Variants in TAFA1 observed in about 807,000 individuals in gnomAD.
TAFA1 encodes the protein chemokine-like protein TAFA-1.
In TAFA1, 4 loss-of-function variants were observed where a neutral mutation model predicts 18.5. That is an observed-to-expected ratio of 0.22 (90% CI 0.11 to 0.49). The LOEUF (loss-of-function observed/expected upper bound fraction) is 0.49, where lower values mean the gene tolerates loss of function less well. TAFA1 is among the 20% of genes least tolerant of loss of function. The pLI is 0.98. For synonymous variants in TAFA1, 56 were observed against 55.2 expected (o/e 1.01, Z -0.06); for missense variants, 147 against 169.0 (o/e 0.87, Z 0.72).
At chr3:68,447,366 A>G (rs1304111082) in intron 3 of TAFA1, among the ~76,000 whole-genome samples, 2 of 152,152 alleles carry the variant, frequency 1.3e-5, no homozygotes, top group African/African-American at 4.8e-5. Context: ...CTAAAAACCA[A>G]ACTGTTGGCT....
intron 3 of TAFA1, among the ~76,000 whole-genome samples, chr3:68,470,105 G>A (rs1042414260): frequency 2.0e-5 from 3 of 152,130 alleles, no homozygotes; most frequent in Non-Finnish European, 2.9e-5. Flanking sequence ...TCATGGTAGT[G>A]AATAAGTCTC....
chr3:68,398,439 A>G (rs2070426604), intron 2 of TAFA1, among the ~76,000 whole-genome samples: 1 of 152,212 alleles, frequency 6.6e-6, no homozygotes, highest in African/African-American at 2.4e-5. Context: ...TTAAAGACTT[A>G]AATGTAAAAC....
At chr3:68,390,817 C>T (rs113521875) in intron 2 of TAFA1, among the ~76,000 whole-genome samples, 48 of 152,214 alleles carry the variant, frequency 3.2e-4, no homozygotes, top group African/African-American at 8.7e-4. Flanking sequence ...CCATCAACAT[C>T]GCAAAAAGGA....
chr3:68,088,315 G>A (rs978434644), intron 2 of TAFA1, among the ~76,000 whole-genome samples: 13 of 152,152 alleles, frequency 8.5e-5, no homozygotes, highest in African/African-American at 2.9e-4. Flanking sequence ...TCTTTTCATA[G>A]ATTTTGGTTT....
intron 2 of TAFA1, among the ~76,000 whole-genome samples, chr3:68,408,931 T>C (rs1266207359): frequency 6.6e-6 from 1 of 152,222 alleles, no homozygotes; most frequent in Non-Finnish European, 1.5e-5. Flanking sequence ...AGCTTAGTAC[T>C]GGAATAGTGG....
At chr3:68,078,330 A>G (rs1351516789) in intron 2 of TAFA1, among the ~76,000 whole-genome samples, 1 of 151,878 alleles carries the variant, frequency 6.6e-6, no homozygotes, top group Non-Finnish European at 1.5e-5. Context: ...TGCCCTGGCC[A>G]GAACTTCCAA....
Position 68,375,063 on chromosome 3 carries a change from A to G in TAFA1, c.119-42217A>G, listed in dbSNP as rs556212565. Among the ~76,000 whole-genome samples, 34 of 152,264 alleles carry G rather than the reference A, an allele frequency of 2.2e-4. 1 individual carries two copies. In the South Asian group the frequency reaches 6.4e-3, roughly 29 times the overall value. On this transcript the variant is annotated intron_variant, in intron 2 of 4. Transcript: ENST00000478136. ...GAATTTATCTGGTGCTGATTTATCA[A>G]AACCAAATCTTTGTATAAGAAGATT...
intron 2 of TAFA1, among the ~76,000 whole-genome samples, chr3:68,163,579 A>T (rs1202629530): frequency 6.6e-6 from 1 of 152,164 alleles, no homozygotes; most frequent in Non-Finnish European, 1.5e-5. Flanking sequence ...TGATGCTCCC[A>T]TAGTCTTTTA....
At chr3:68,402,918 G>A (rs1025999203) in intron 2 of TAFA1, among the ~76,000 whole-genome samples, 1 of 152,144 alleles carries the variant, frequency 6.6e-6, no homozygotes, top group Admixed American at 6.6e-5. Context: ...AGGGTGGGAG[G>A]CATCTCTTTT....
At chr3:68,399,303 C>G (rs1334723049) in intron 2 of TAFA1, among the ~76,000 whole-genome samples, 1 of 152,122 alleles carries the variant, frequency 6.6e-6, no homozygotes, top group Non-Finnish European at 1.5e-5. Context: ...ATTTGAACCC[C>G]TGTTTGAGAG....
intron 3 of TAFA1, among the ~76,000 whole-genome samples, chr3:68,466,027 C>G (rs780123069): frequency 2.0e-5 from 3 of 152,090 alleles, no homozygotes; most frequent in Admixed American, 2.0e-4. Context: ...TAGATGTTAT[C>G]ATTTGTTGAG....
intron 3 of TAFA1, among the ~76,000 whole-genome samples, chr3:68,432,042 C>G (rs2071185161): frequency 6.6e-6 from 1 of 151,944 alleles, no homozygotes; most frequent in South Asian, 2.1e-4. Context: ...TAGTTTTGGT[C>G]AGGGGTTAAT....
At chr3:68,487,331 A>G (rs946854404) in intron 3 of TAFA1, among the ~76,000 whole-genome samples, 2 of 152,210 alleles carry the variant, frequency 1.3e-5, no homozygotes, top group Non-Finnish European at 2.9e-5. Context: ...GACAAAAGAA[A>G]AGAATAGCCA....
At chr3:68,442,490 G>A (rs919793390) in intron 3 of TAFA1, among the ~76,000 whole-genome samples, 16 of 152,074 alleles carry the variant, frequency 1.1e-4, no homozygotes, top group African/African-American at 3.4e-4. Flanking sequence ...TCTCAATACT[G>A]TTAAGTTTTA....
chr3:68,524,073 A>G (rs1315126432), intron 3 of TAFA1, among the ~76,000 whole-genome samples: 1 of 152,170 alleles, frequency 6.6e-6, no homozygotes, highest in Non-Finnish European at 1.5e-5. Context: ...ACAAAAATGT[A>G]CCATTTCTCA....
At chr3:68,518,729 G>T (rs139953533) in intron 3 of TAFA1, among the ~76,000 whole-genome samples, 1 of 152,252 alleles carries the variant, frequency 6.6e-6, no homozygotes, top group East Asian at 1.9e-4. Context: ...ATGTAGAGGG[G>T]TTAAGACAAG....
At chr3:68,115,984 C>T (rs1204001178) in intron 2 of TAFA1, among the ~76,000 whole-genome samples, 1 of 152,166 alleles carries the variant, frequency 6.6e-6, no homozygotes, top group Admixed American at 6.5e-5. Flanking sequence ...GGGCTGGACA[C>T]GGTGGCTCAC....
intron 3 of TAFA1, among the ~76,000 whole-genome samples, chr3:68,465,309 C>A (rs2071866805): frequency 6.6e-6 from 1 of 152,150 alleles, no homozygotes; most frequent in Admixed American, 6.6e-5. Context: ...TGCTAAAGAT[C>A]ACAGATTAGA....
intron 2 of TAFA1, among the ~76,000 whole-genome samples, chr3:68,413,939 A>C (rs1253690792): frequency 6.6e-6 from 1 of 152,136 alleles, no homozygotes; most frequent in Non-Finnish European, 1.5e-5. Flanking sequence ...CATGGGGTAC[A>C]TGCCTGGGGT....
Sources: gnomAD v4.1 joint callset for allele counts (sites outside exome capture counted in the v4.1 genomes callset) on GRCh38, gnomAD v4.1.1 for gene constraint, MANE v1.5 for transcripts, NCBI Gene and HGNC (gene_info 2026-07-23, HGNC 2026-07-21) for gene names.